Variants in TBC1D14 observed in about 807,000 individuals in gnomAD.
The protein encoded by TBC1D14 is TBC1 domain family member 14.
Under a neutral mutation model 79.0 loss-of-function variants are expected in TBC1D14, and 26 were observed. The observed-to-expected ratio is 0.33, with a 90% CI of 0.24 to 0.46. TBC1D14 has a LOEUF of 0.46. Ranked by LOEUF, TBC1D14 falls within the 20% of genes least tolerant of loss-of-function variation. TBC1D14 has a pLI of 1.00. For missense variants in TBC1D14, 769 were observed against 887.6 expected (o/e 0.87, Z 1.70); for synonymous variants, 394 against 349.9 (o/e 1.13, Z -1.40).
At chr4:7,002,097 A>G (rs776839598) in intron 7 of TBC1D14, among the ~76,000 whole-genome samples, 10 of 152,108 alleles carry the variant, frequency 6.6e-5, no homozygotes, top group African/African-American at 2.4e-4. Context: ...CTGACAGGTT[A>G]TCTTAGCCTC....
chr4:7,024,800 A>G (rs868802082), intron 12 of TBC1D14, among the ~76,000 whole-genome samples: 1 of 152,296 alleles, frequency 6.6e-6, no homozygotes, highest in East Asian at 1.9e-4. Context: ...TGTGTGCTGC[A>G]TGATTCTGTG....
At chr4:7,023,364 A>C (rs1408639411) in intron 12 of TBC1D14, among the ~76,000 whole-genome samples, 1 of 152,168 alleles carries the variant, frequency 6.6e-6, no homozygotes, top group African/African-American at 2.4e-5. Context: ...TCCATGTGTG[A>C]GTGGGCACAC....
intron 1 of TBC1D14, among the ~76,000 whole-genome samples, chr4:6,912,748 C>T (rs1046190396): frequency 2.6e-5 from 4 of 152,150 alleles, no homozygotes; most frequent in Non-Finnish European, 4.4e-5. Flanking sequence ...GTGCCAGGCA[C>T]GATTTTAAGG....
intron 12 of TBC1D14, among the ~76,000 whole-genome samples, chr4:7,018,580 G>A (rs1006109478): frequency 1.3e-5 from 2 of 152,216 alleles, no homozygotes; most frequent in Non-Finnish European, 2.9e-5. Context: ...GTGCCTGAGG[G>A]TCACCTTCCT....
Position 6,964,564 on chromosome 4 carries a change from G to A in TBC1D14, c.723-2740G>A, listed in dbSNP as rs73200002. On this transcript the variant is annotated intron_variant, in intron 2 of 13. Transcript: ENST00000409757. The stretch of plus-strand genomic sequence containing the variant: ...ATTGCCTAAGTCCTTCACTGATGGC[G>A]AAATCTTAGATGTTAAACGGATTGA... Among the ~76,000 whole-genome samples the A allele has an allele frequency of 9.1e-3, 1,383 of 152,326 alleles. 15 individuals are homozygous for A. Among genetic ancestry groups the A allele is most frequent in the Middle Eastern group, 0.037 (11 of 294 alleles).
intron 7 of TBC1D14, among the ~76,000 whole-genome samples, chr4:7,003,231 A>G (rs1444826302): frequency 2.0e-5 from 3 of 151,990 alleles, no homozygotes; most frequent in Non-Finnish European, 2.9e-5. Flanking sequence ...GAGACTTACA[A>G]CTCTTTGACA....
At chr4:6,912,583 A>G (rs1723092263) in intron 1 of TBC1D14, among the ~76,000 whole-genome samples, 1 of 152,176 alleles carries the variant, frequency 6.6e-6, no homozygotes, top group African/African-American at 2.4e-5. Flanking sequence ...GACTGGTGAC[A>G]GGAAGAAGCT....
intron 8 of TBC1D14, among the ~76,000 whole-genome samples, chr4:7,005,465 G>A (rs895949766): frequency 6.6e-6 from 1 of 152,194 alleles, no homozygotes; most frequent in Non-Finnish European, 1.5e-5. Flanking sequence ...AACCCGGGAG[G>A]TGGAGGTTGC....
chr4:6,958,376 T>TACACACACACACACACACACACACACAC (rs60999179), intron 2 of TBC1D14, among the ~76,000 whole-genome samples: 27 of 149,220 alleles, frequency 1.8e-4, no homozygotes, highest in African/African-American at 6.7e-4. Context: ...TCCCCACATA[T>TACACACACACACACACACACACACACAC]ACACACACAC....
At chr4:6,969,862 T>C (rs1716072682) in intron 3 of TBC1D14, among the ~76,000 whole-genome samples, 1 of 152,110 alleles carries the variant, frequency 6.6e-6, no homozygotes, top group Non-Finnish European at 1.5e-5. Context: ...TAATAAAGAA[T>C]GTAACTTACC....
chr4:7,027,935 C>A (rs1452440910), intron 13 of TBC1D14, among the ~76,000 whole-genome samples: 1 of 147,814 alleles, frequency 6.8e-6, no homozygotes, highest in East Asian at 2.0e-4. Context: ...ACACAGTTAC[C>A]CACACGCACA....
intron 1 of TBC1D14, among the ~76,000 whole-genome samples, chr4:6,921,565 G>A (rs373083430): frequency 2.2e-4 from 33 of 150,854 alleles, no homozygotes; most frequent in South Asian, 1.1e-3. Flanking sequence ...TCGCCCTGTC[G>A]CCCAGGCTGG....
At chr4:7,028,014 A>G (rs974111422) in intron 13 of TBC1D14, among the ~76,000 whole-genome samples, 3 of 118,962 alleles carry the variant, frequency 2.5e-5, no homozygotes, top group African/African-American at 9.9e-5. Context: ...CACCCCACAC[A>G]CACCCACACA....
intron 2 of TBC1D14, among the ~76,000 whole-genome samples, chr4:6,926,164 G>A (rs1446594670): frequency 6.6e-6 from 1 of 152,200 alleles, no homozygotes. Context: ...GTCCTCGCAC[G>A]TTCTGTCTCC....
At chr4:6,985,536 A>T (rs1314573457) in intron 3 of TBC1D14, among the ~76,000 whole-genome samples, 1 of 152,244 alleles carries the variant, frequency 6.6e-6, no homozygotes, top group Non-Finnish European at 1.5e-5. Flanking sequence ...GTAAAACCCA[A>T]AAAGAACTAG....
chr4:6,967,977 A>G (rs1482680671), intron 3 of TBC1D14, among the ~76,000 whole-genome samples: 1 of 152,028 alleles, frequency 6.6e-6, no homozygotes, highest in Non-Finnish European at 1.5e-5. Flanking sequence ...GGTGGGAGAG[A>G]TGCCACTGCT....
intron 13 of TBC1D14, among the ~76,000 whole-genome samples, chr4:7,028,306 A>G (rs2108756070): frequency 6.6e-6 from 1 of 151,924 alleles, no homozygotes. Context: ...GGTAAAAACT[A>G]TTGGTTAAAA....
At chr4:6,927,660 G>C (rs1049511453) in intron 2 of TBC1D14, among the ~76,000 whole-genome samples, 5 of 152,138 alleles carry the variant, frequency 3.3e-5, no homozygotes, top group African/African-American at 9.7e-5. Context: ...TCTTTGTTGT[G>C]GGCGGCTGTC....
chr4:6,961,246 C>G (rs6855531), intron 2 of TBC1D14, among the ~76,000 whole-genome samples: 131,641 of 152,078 alleles, frequency 0.87, 58,352 homozygotes, highest in East Asian at 0.99. Context: ...TGGCCTGATC[C>G]CTGACGGCCC....
Sources: allele counts gnomAD v4.1 joint callset (sites outside exome capture counted in the v4.1 genomes callset), GRCh38; gene constraint gnomAD v4.1.1; transcripts MANE v1.5; gene names NCBI Gene and HGNC (gene_info 2026-07-23, HGNC 2026-07-21).